The following SEL1L2 variants were observed in gnomAD, a reference collection of about 807,000 sequenced individuals.
The protein encoded by SEL1L2 is protein sel-1 homolog 2.
Under a neutral mutation model 98.8 loss-of-function variants are expected in SEL1L2, and 89 were observed. That is an observed-to-expected ratio of 0.90 (90% CI 0.76 to 1.07). The LOEUF (loss-of-function observed/expected upper bound fraction) is 1.07. Among genes scored for constraint, SEL1L2 ranks in the 50% least tolerant of loss-of-function variants. SEL1L2 has a pLI of 0.00. For synonymous variants in SEL1L2, 262 were observed against 278.5 expected, an observed-to-expected ratio of 0.94 and a Z score of 0.59; for missense variants, 788 against 812.0, an observed-to-expected ratio of 0.97 and a Z score of 0.36.
chr20:13,917,453 A>G (rs2048451653), intron 4 of SEL1L2, among the ~76,000 whole-genome samples: 1 of 152,170 alleles, frequency 6.6e-6, no homozygotes, highest in African/African-American at 2.4e-5. Context: ...GGAGATAATT[A>G]TCTATGTCTC....
rs759221463 is a variant in SEL1L2, at chr20:13,913,878, G to A, written c.453C>T (p.Asp151=). ...GNLKAMEKMA[D]ALLFGNFGVQ... The stretch of plus-strand genomic sequence containing the variant: ...CGCCAAAATTTCCAAATAGCAAAGC[G>A]TCAGCCATTTTCTCCATAGCTTTCA... Residue 151 remains aspartate, a synonymous_variant, in exon 5 of 20, where the codon GAC becomes GAT. Transcript: ENST00000284951. The A allele has an allele frequency of 1.5e-5, 24 of 1,564,530 alleles. No homozygotes were observed. Among genetic ancestry groups the A allele is most frequent in the Middle Eastern group, 1.7e-4 (1 of 5,978 alleles).
chr20:13,852,323 C>T (rs1160531856), intron 18 of SEL1L2, among the ~76,000 whole-genome samples: 4 of 152,066 alleles, frequency 2.6e-5, no homozygotes, highest in African/African-American at 9.7e-5. Flanking sequence ...TCCAGGAGAC[C>T]TCACAATTTG....
chr20:13,867,802 C>G (rs1385711665), intron 14 of SEL1L2, among the ~76,000 whole-genome samples: 1 of 152,032 alleles, frequency 6.6e-6, no homozygotes, highest in Non-Finnish European at 1.5e-5. Context: ...CTGGTAGATC[C>G]CAAGCCAAGG....
chr20:13,850,194 A>T lies in SEL1L2; in HGVS notation c.1944T>A (p.Phe648Leu), dbSNP rs1441694329. ...TTHLLRDILF[F>L]NFTTRWNWLK... ...GACCTGTTCAAGACAAACTTACATT[A>T]AAAAACAGGATATCCCGGAGCAAAT... The change falls in exon 19 of 20, where the codon TTT becomes TTA. Residue 648 changes from phenylalanine to leucine, a missense_variant. Physicochemically the swap from Phe to Leu is conservative, Grantham distance 22. Coordinates refer to ENST00000284951, the MANE Select transcript of SEL1L2 (RefSeq NM_025229.2). 1 of 1,613,794 alleles carries T rather than the reference A, an allele frequency of 6.2e-7. No individual in the cohort carries two copies. Among genetic ancestry groups the T allele is most frequent in the Non-Finnish European group, 8.5e-7 (1 of 1,179,752 alleles).
At chr20:13,983,048 A>AAAAAAAAAAAAAAAAAAAAAAC (rs2051935324) in intron 1 of SEL1L2, among the ~76,000 whole-genome samples, 1 of 135,206 alleles carries the variant, frequency 7.4e-6, no homozygotes, top group Non-Finnish European at 1.6e-5. Flanking sequence ...AAAAAAAAAA[A>AAAAAAAAAAAAAAAAAAAAAAC]GCAGCAGCCA....
intron 1 of SEL1L2, among the ~76,000 whole-genome samples, chr20:13,965,393 A>T (rs2050995430): frequency 6.6e-6 from 1 of 152,154 alleles, no homozygotes; most frequent in Non-Finnish European, 1.5e-5. Context: ...AATGGGGAGA[A>T]AACTGGTGAT....
rs1283672743 is a variant in SEL1L2 at position 13,885,387 on chromosome 20, A to T, written c.917T>A (p.Leu306Ter). The change falls in exon 10 of 20, where the codon TTA becomes TAA. Residue 306 changes from leucine (L) to a stop codon, truncating the protein, a stop_gained. Transcript: ENST00000284951. LOFTEE classifies it high-confidence loss of function. ...TAGACCTTTCCTGCCAATTAGATGT[A>T]ATTGTCCAAGAGAGACCTAGGAATG... is the stretch of plus-strand genomic sequence containing the variant. Reference protein sequence around the residue: ...DVQIQVSLGQLHLIGRKGLDQ... With the variant: ...DVQIQVSLGQ The T allele has an allele frequency of 1.2e-6, 2 of 1,603,822 alleles. No individual in the cohort carries two copies. Among genetic ancestry groups the T allele is most frequent in the Non-Finnish European group, 1.7e-6 (2 of 1,170,756 alleles).
chr20:13,935,237 A>G (rs950118540), intron 2 of SEL1L2, among the ~76,000 whole-genome samples: 5 of 152,174 alleles, frequency 3.3e-5, no homozygotes, highest in East Asian at 3.9e-4. Context: ...GCATCCAGAG[A>G]TTAAATAATT....
intron 10 of SEL1L2, among the ~76,000 whole-genome samples, chr20:13,878,169 C>T (rs1475697823): frequency 6.6e-6 from 1 of 152,150 alleles, no homozygotes; most frequent in Non-Finnish European, 1.5e-5. Context: ...AGCACTCTGT[C>T]TAGAACACAT....
intron 1 of SEL1L2, among the ~76,000 whole-genome samples, chr20:13,965,900 C>A (rs144177843): frequency 1.3e-5 from 2 of 149,240 alleles, no homozygotes; most frequent in East Asian, 2.0e-4. Flanking sequence ...TTACAGTGAG[C>A]CGAAGTTGCA....
rs1463196458 is a variant in SEL1L2 at position 13,879,619 on chromosome 20, C to A, written c.958-2031G>T. 2.0e-5 allele frequency among the ~76,000 whole-genome samples: 3 copies of A among 152,040 alleles called. No homozygotes were observed. In the East Asian group the frequency reaches 5.8e-4, roughly 29 times the overall value. On this transcript the variant is annotated intron_variant, in intron 10 of 19. Coordinates refer to ENST00000284951, the MANE Select transcript of SEL1L2 (RefSeq NM_025229.2). ...CCTCCCATTTCGACCTCCCATAGTG[C>A]TGGGATTACAGGTGTGAGCCATCAC...
chr20:13,861,513 A>G (rs372332267), intron 17 of SEL1L2, among the ~76,000 whole-genome samples: 2 of 152,068 alleles, frequency 1.3e-5, no homozygotes, highest in East Asian at 1.9e-4. Context: ...TTATTGAGAT[A>G]CAATTCACAT....
chr20:13,866,265 C>A (rs1991016573), intron 15 of SEL1L2, among the ~76,000 whole-genome samples: 1 of 152,150 alleles, frequency 6.6e-6, no homozygotes, highest in Non-Finnish European at 1.5e-5. Flanking sequence ...TGAAAGAATT[C>A]ACTTTCTCAA....
In SEL1L2 at chr20:13,939,035, G is replaced by GT. The variant is rs779584914; in HGVS notation, c.115-7265dup. Among the ~76,000 whole-genome samples, 27 of 31,464 alleles carry GT rather than the reference G, an allele frequency of 8.6e-4. 2 individuals are homozygous for GT. Among genetic ancestry groups the GT allele is most frequent in the East Asian group, 2.5e-3 (3 of 1,192 alleles). The allele number at this position is 31,464 out of a possible 152,430, so 20.6% of individuals were successfully genotyped here. ...TTTTTTCTTTTTGGTTTGTTTGCTTGTTTTGTTTTTTTTTTTTTTTTTTTC... is the reference window on the plus strand; with the variant it reads ...TTTTTTCTTTTTGGTTTGTTTGCTTGTTTTTGTTTTTTTTTTTTTTTTTTTC... On this transcript the variant is annotated intron_variant, in intron 2 of 19. Coordinates refer to ENST00000284951, the MANE Select transcript of SEL1L2 (RefSeq NM_025229.2).
At chr20:13,919,920 G>T (rs7272313) in intron 3 of SEL1L2, among the ~76,000 whole-genome samples, 2 of 139,900 alleles carry the variant, frequency 1.4e-5, no homozygotes, top group East Asian at 2.2e-4. Context: ...GCGAGACTCC[G>T]TCTCAAAAAA....
intron 4 of SEL1L2, chr20:13,915,270 C>T: frequency 7.8e-7 from 1 of 1,279,758 alleles, no homozygotes; most frequent in African/African-American, 1.5e-5. Flanking sequence ...GGTGAGTACT[C>T]CAGTGGAACA....
chr20:13,853,078 T>A (rs1988538511), intron 18 of SEL1L2, among the ~76,000 whole-genome samples: 2 of 152,194 alleles, frequency 1.3e-5, no homozygotes, highest in Admixed American at 1.3e-4. Flanking sequence ...TCATGTATAT[T>A]CACATATACA....
intron 5 of SEL1L2, among the ~76,000 whole-genome samples, chr20:13,904,267 G>A (rs186024521): frequency 6.6e-5 from 10 of 152,208 alleles, no homozygotes; most frequent in Non-Finnish European, 1.3e-4. Flanking sequence ...ACTGGCTCAC[G>A]CCTGTGATCC....
intron 17 of SEL1L2, among the ~76,000 whole-genome samples, chr20:13,863,302 T>C (rs1484337599): frequency 6.6e-6 from 1 of 152,194 alleles, no homozygotes; most frequent in Admixed American, 6.5e-5. Flanking sequence ...CTGAAGCCTC[T>C]AAGAATGGAA....
Sources: allele counts gnomAD v4.1 joint callset (sites outside exome capture counted in the v4.1 genomes callset), GRCh38; gene constraint gnomAD v4.1.1; transcripts MANE v1.5; gene names NCBI Gene and HGNC (gene_info 2026-07-23, HGNC 2026-07-21).